Variants in IMMP2L observed in about 807,000 individuals in gnomAD.
The protein encoded by IMMP2L is inner mitochondrial membrane peptidase subunit 2, also known as mitochondrial inner membrane protease subunit 2.
IMMP2L carries 18 observed loss-of-function variants against 19.3 expected under a neutral mutation model. The observed-to-expected ratio is 0.93, with a 90% CI of 0.64 to 1.38. The LOEUF (loss-of-function observed/expected upper bound fraction) is 1.38. Ranked by LOEUF, IMMP2L falls within the 40% of genes most tolerant of loss-of-function variation. IMMP2L has a pLI of 0.00. For missense variants in IMMP2L, 233 were observed against 218.2 expected, an observed-to-expected ratio of 1.07 and a Z score of -0.43; for synonymous variants, 76 against 73.0, an observed-to-expected ratio of 1.04 and a Z score of -0.21.
At chr7:110,952,817 T>C (rs1170546354) in intron 4 of IMMP2L, among the ~76,000 whole-genome samples, 2 of 152,164 alleles carry the variant, frequency 1.3e-5, no homozygotes, top group Non-Finnish European at 2.9e-5. Context: ...TATTTCATTT[T>C]AGATATAGTG....
intron 3 of IMMP2L, among the ~76,000 whole-genome samples, chr7:111,319,161 A>G (rs1824413014): frequency 6.6e-6 from 1 of 152,130 alleles, no homozygotes; most frequent in African/African-American, 2.4e-5. Context: ...GTGAGGAATC[A>G]TTTGTAATCT....
intron 1 of IMMP2L, among the ~76,000 whole-genome samples, chr7:111,543,299 A>C (rs1469658540): frequency 1.3e-5 from 2 of 152,180 alleles, no homozygotes; most frequent in Non-Finnish European, 2.9e-5. Context: ...TAACCATATT[A>C]GTGTGCTCTC....
chr7:111,082,504 A>G (rs1795967602), intron 3 of IMMP2L, among the ~76,000 whole-genome samples: 1 of 152,100 alleles, frequency 6.6e-6, no homozygotes, highest in South Asian at 2.1e-4. Context: ...TGCAATCCTC[A>G]TGGTTTGAGC....
chr7:111,078,958 G>A (rs1795646831), intron 3 of IMMP2L, among the ~76,000 whole-genome samples: 1 of 152,020 alleles, frequency 6.6e-6, no homozygotes, highest in African/African-American at 2.4e-5. Context: ...TCGAACTCCT[G>A]ACCTGAGGTG....
chr7:110,865,203 C>T (rs73196820), intron 5 of IMMP2L, among the ~76,000 whole-genome samples: 2,040 of 151,992 alleles, frequency 0.013, 28 homozygotes, highest in Middle Eastern at 0.048. Context: ...TGTAACTATG[C>T]TTATTCATTC....
chr7:111,116,458 G>A (rs757226757), intron 3 of IMMP2L, among the ~76,000 whole-genome samples: 4 of 152,020 alleles, frequency 2.6e-5, no homozygotes, highest in Non-Finnish European at 5.9e-5. Flanking sequence ...AAATATATGG[G>A]TATACATGAC....
intron 1 of IMMP2L, among the ~76,000 whole-genome samples, chr7:111,553,184 G>A (rs1422483393): frequency 2.6e-5 from 4 of 152,098 alleles, no homozygotes; most frequent in Non-Finnish European, 5.9e-5. Context: ...TTACATATGA[G>A]GCTCAGAGAG....
At chr7:111,183,506 A>G in intron 3 of IMMP2L, among the ~76,000 whole-genome samples, 1 of 152,106 alleles carries the variant, frequency 6.6e-6, no homozygotes, top group East Asian at 1.9e-4. Context: ...ACTGGGAGCC[A>G]CTTGTATCAT....
chr7:110,952,516 T>C (rs529997220), intron 4 of IMMP2L, among the ~76,000 whole-genome samples: 5 of 152,180 alleles, frequency 3.3e-5, no homozygotes, highest in African/African-American at 1.2e-4. Context: ...ATAATGTCCA[T>C]CTGTATTGGG....
intron 3 of IMMP2L, among the ~76,000 whole-genome samples, chr7:111,179,102 T>A (rs1182033029): frequency 6.6e-6 from 1 of 152,028 alleles, no homozygotes; most frequent in Non-Finnish European, 1.5e-5. Context: ...AAAATAAATG[T>A]TGTGTTAGCA....
intron 4 of IMMP2L, among the ~76,000 whole-genome samples, chr7:110,933,661 T>A (rs980896072): frequency 1.3e-5 from 2 of 152,188 alleles, no homozygotes; most frequent in Non-Finnish European, 2.9e-5. Context: ...TTAGGAGATG[T>A]TTCCAATTTC....
At chr7:110,996,846 G>A (rs567827696) in intron 3 of IMMP2L, among the ~76,000 whole-genome samples, 7 of 152,054 alleles carry the variant, frequency 4.6e-5, no homozygotes, top group South Asian at 2.1e-4. Flanking sequence ...AAGATCCACC[G>A]AACTTATTCA....
chr7:111,561,536 G>A (rs866514239), intron 1 of IMMP2L, among the ~76,000 whole-genome samples: 1 of 152,068 alleles, frequency 6.6e-6, no homozygotes, highest in Non-Finnish European at 1.5e-5. Context: ...GATAGGGGCC[G>A]GAGACAGACA....
intron 5 of IMMP2L, among the ~76,000 whole-genome samples, chr7:110,839,164 T>A (rs1001677883): frequency 2.6e-5 from 4 of 152,090 alleles, no homozygotes; most frequent in Admixed American, 6.6e-5. Flanking sequence ...CAGTGAAAAT[T>A]TTCTATTGTT....
At chr7:111,443,973 G>C (rs1019859135) in intron 3 of IMMP2L, among the ~76,000 whole-genome samples, 23 of 151,944 alleles carry the variant, frequency 1.5e-4, no homozygotes, top group Non-Finnish European at 2.1e-4. Flanking sequence ...AATTTCAAAA[G>C]GTGAAAAATG....
intron 5 of IMMP2L, among the ~76,000 whole-genome samples, chr7:110,720,002 A>G (rs913134545): frequency 6.6e-6 from 1 of 152,210 alleles, no homozygotes; most frequent in Non-Finnish European, 1.5e-5. Context: ...GTTATTTTAC[A>G]TCTTAGTGTT....
chr7:111,464,691 A>G (rs1444874739), intron 3 of IMMP2L, among the ~76,000 whole-genome samples: 2 of 152,162 alleles, frequency 1.3e-5, no homozygotes, highest in Non-Finnish European at 2.9e-5. Context: ...TGACCTACAC[A>G]TTAAGTCACT....
chr7:110,734,419 G>T (rs1038912434), intron 5 of IMMP2L, among the ~76,000 whole-genome samples: 2 of 152,196 alleles, frequency 1.3e-5, no homozygotes, highest in African/African-American at 4.8e-5. Flanking sequence ...CAATGAAATA[G>T]GGTATTTGGC....
At chr7:111,183,238 C>G (rs558860181) in intron 3 of IMMP2L, among the ~76,000 whole-genome samples, 3 of 152,044 alleles carry the variant, frequency 2.0e-5, no homozygotes, top group East Asian at 1.9e-4. Flanking sequence ...AAAATTATGT[C>G]GATAAAATAT....
Sources: allele counts gnomAD v4.1 joint callset (sites outside exome capture counted in the v4.1 genomes callset), GRCh38; gene constraint gnomAD v4.1.1; transcripts MANE v1.5; gene names NCBI Gene and HGNC (gene_info 2026-07-23, HGNC 2026-07-21).